Variants in FHIT observed in about 807,000 individuals in gnomAD.
FHIT encodes the protein fragile histidine triad diadenosine triphosphatase.
FHIT carries 19 observed loss-of-function variants against 17.9 expected under a neutral mutation model. The observed-to-expected ratio is 1.06, with a 90% CI of 0.74 to 1.56. The LOEUF (loss-of-function observed/expected upper bound fraction) is 1.56. Among genes scored for constraint, FHIT ranks in the 40% most tolerant of loss-of-function variants. The probability of loss-of-function intolerance (pLI) is 0.00; values close to 1 mark genes in which losing one functional copy is unlikely to be tolerated. For missense variants in FHIT, 248 were observed against 189.2 expected (o/e 1.31, Z -1.82); for synonymous variants, 81 against 69.7 (o/e 1.16, Z -0.81).
At chr3:60,152,914 G>C (rs1319198666) in intron 5 of FHIT, among the ~76,000 whole-genome samples, 2 of 152,106 alleles carry the variant, frequency 1.3e-5, no homozygotes, top group Non-Finnish European at 2.9e-5. Flanking sequence ...ATCCATTCAT[G>C]CTCATTTTGT....
chr3:60,586,780 G>A (rs938083752), intron 4 of FHIT, among the ~76,000 whole-genome samples: 3 of 151,956 alleles, frequency 2.0e-5, no homozygotes, highest in Non-Finnish European at 4.4e-5. Context: ...CTCATAACTA[G>A]GTGCTAAATG....
At chr3:60,880,298 A>G (rs1464874462) in intron 3 of FHIT, among the ~76,000 whole-genome samples, 1 of 152,246 alleles carries the variant, frequency 6.6e-6, no homozygotes, top group Non-Finnish European at 1.5e-5. Flanking sequence ...GAAATGAGGA[A>G]GAAATAAAAC....
At chr3:61,223,895 A>T (rs866729217) in intron 1 of FHIT, among the ~76,000 whole-genome samples, 19 of 130,354 alleles carry the variant, frequency 1.5e-4, no homozygotes, top group Non-Finnish European at 3.0e-4. Flanking sequence ...AAGGGGAAAA[A>T]TTCTGCCCCT....
At chr3:60,451,020 A>C (rs946868959) in intron 5 of FHIT, among the ~76,000 whole-genome samples, 2 of 152,164 alleles carry the variant, frequency 1.3e-5, no homozygotes, top group African/African-American at 4.8e-5. Context: ...TTGTATAATG[A>C]AAACTTGTTT....
At chr3:60,909,576 T>A (rs929976383) in intron 3 of FHIT, among the ~76,000 whole-genome samples, 1 of 152,338 alleles carries the variant, frequency 6.6e-6, no homozygotes. Flanking sequence ...TATTTTATTT[T>A]TATCATCCCA....
chr3:60,230,063 C>T (rs942093717), intron 5 of FHIT, among the ~76,000 whole-genome samples: 6 of 152,120 alleles, frequency 3.9e-5, no homozygotes, highest in South Asian at 2.1e-4. Context: ...TTTCAAATCT[C>T]GTTGTTCAAT....
At chr3:60,982,159 T>C (rs1311568636) in intron 3 of FHIT, among the ~76,000 whole-genome samples, 4 of 152,238 alleles carry the variant, frequency 2.6e-5, no homozygotes, top group Admixed American at 6.5e-5. Context: ...AACCCTTCAG[T>C]GCTTTCCCTG....
chr3:59,851,231 A>G lies in FHIT; in HGVS notation c.348+71115T>C, dbSNP rs376603545. ...GTGTAATCCTCATAGCTCAAAAACG[A>G]TCAGAGCTCATTAATTATTAACTAA... On this transcript the variant is annotated intron_variant, in intron 8 of 9. Coordinates refer to ENST00000492590, the MANE Select transcript of FHIT (RefSeq NM_002012.4). Among the ~76,000 whole-genome samples the G allele has an allele frequency of 1.7e-4, 26 of 152,252 alleles. No homozygotes were observed. The South Asian group carries it at 5.2e-3, about 30-fold the overall frequency.
intron 5 of FHIT, among the ~76,000 whole-genome samples, chr3:60,067,220 T>C (rs184105866): frequency 1.1e-4 from 17 of 152,230 alleles, no homozygotes; most frequent in South Asian, 8.3e-4. Flanking sequence ...GGGAAATATC[T>C]AAAAAATGGC....
In FHIT at chr3:59,951,919, C is replaced by A. The variant is rs185800615; in HGVS notation, c.280-29505G>T. On this transcript the variant is annotated intron_variant, in intron 7 of 9. Transcript: ENST00000492590. ...CACTCAACCACCTTGGCTCAATAGTCTCCTGCTTCAACCAGTGCCACTGAG... is the reference window on the plus strand; with the variant it reads ...CACTCAACCACCTTGGCTCAATAGTATCCTGCTTCAACCAGTGCCACTGAG... Among the ~76,000 whole-genome samples, 79 of 152,278 alleles carry A rather than the reference C, an allele frequency of 5.2e-4. 3 individuals carry two copies. The highest frequency in any genetic ancestry group is 1.8e-3 in the African/African-American group (76 of 41,558).
intron 3 of FHIT, among the ~76,000 whole-genome samples, chr3:61,025,550 G>T (rs1031694669): frequency 6.6e-5 from 10 of 151,926 alleles, no homozygotes; most frequent in African/African-American, 2.2e-4. Context: ...ACAGAATTCA[G>T]ATTTACAGAT....
chr3:60,044,328 G>T (rs1397550128), intron 5 of FHIT, among the ~76,000 whole-genome samples: 1 of 152,158 alleles, frequency 6.6e-6, no homozygotes, highest in Non-Finnish European at 1.5e-5. Flanking sequence ...TAGTAATATA[G>T]AAAGTTGTGA....
intron 5 of FHIT, among the ~76,000 whole-genome samples, chr3:60,167,761 G>C (rs547938357): frequency 2.0e-5 from 3 of 152,308 alleles, no homozygotes; most frequent in Admixed American, 6.5e-5. Flanking sequence ...GTGGCAGGGC[G>C]TAGTGGCTCA....
chr3:60,464,954 A>G (rs2032701899), intron 5 of FHIT, among the ~76,000 whole-genome samples: 1 of 152,148 alleles, frequency 6.6e-6, no homozygotes, highest in African/African-American at 2.4e-5. Flanking sequence ...CAGTGGTTGT[A>G]CTAATTTACA....
chr3:60,439,437 C>A (rs1559913820), intron 5 of FHIT, among the ~76,000 whole-genome samples: 1 of 152,116 alleles, frequency 6.6e-6, no homozygotes, highest in Non-Finnish European at 1.5e-5. Flanking sequence ...CCTTGGGTAG[C>A]TAGAGGCAAG....
At chr3:61,090,483 A>T (rs1346236266) in intron 2 of FHIT, among the ~76,000 whole-genome samples, 2 of 152,214 alleles carry the variant, frequency 1.3e-5, no homozygotes, top group Non-Finnish European at 2.9e-5. Context: ...TCTCACAGGG[A>T]TTTATATTAC....
intron 7 of FHIT, among the ~76,000 whole-genome samples, chr3:59,987,136 A>G (rs1451409507): frequency 6.9e-6 from 1 of 144,630 alleles, no homozygotes; most frequent in Non-Finnish European, 1.5e-5. Flanking sequence ...TATAAAATAT[A>G]TAATTATATA....
intron 5 of FHIT, among the ~76,000 whole-genome samples, chr3:60,436,528 T>C (rs2030262153): frequency 6.6e-6 from 1 of 151,724 alleles, no homozygotes; most frequent in Non-Finnish European, 1.5e-5. Context: ...TTATATGTCC[T>C]AGACATATTA....
chr3:61,250,466 A>G (rs904847301), intron 1 of FHIT, among the ~76,000 whole-genome samples: 1 of 152,164 alleles, frequency 6.6e-6, no homozygotes, highest in Non-Finnish European at 1.5e-5. Context: ...CACAAGCATA[A>G]CCTCAATTTA....
Sources: allele counts gnomAD v4.1 joint callset (sites outside exome capture counted in the v4.1 genomes callset), GRCh38; gene constraint gnomAD v4.1.1; transcripts MANE v1.5; gene names NCBI Gene and HGNC (gene_info 2026-07-23, HGNC 2026-07-21).